Variants in GTF2IRD1 observed in about 807,000 individuals in gnomAD.
GTF2IRD1 encodes the protein general transcription factor II-I repeat domain-containing protein 1.
In GTF2IRD1, 26 loss-of-function variants were observed where a neutral mutation model predicts 113.2. The observed-to-expected ratio is 0.23, with a 90% CI of 0.17 to 0.32. GTF2IRD1 has a LOEUF of 0.32. Ranked by LOEUF, GTF2IRD1 falls within the 10% of genes least tolerant of loss-of-function variation. The pLI is 1.00. For synonymous variants in GTF2IRD1, 484 were observed against 529.1 expected, an observed-to-expected ratio of 0.91 and a Z score of 1.17; for missense variants, 864 against 1,280.8, an observed-to-expected ratio of 0.67 and a Z score of 4.97.
intron 22 of GTF2IRD1, among the ~76,000 whole-genome samples, chr7:74,564,663 G>A (rs1328086664): frequency 6.6e-6 from 1 of 152,186 alleles, no homozygotes; most frequent in South Asian, 2.1e-4. Context: ...GGCTGAGGCG[G>A]GAGGATCCCT....
intron 1 of GTF2IRD1, among the ~76,000 whole-genome samples, chr7:74,475,835 C>T (rs907017908): frequency 1.1e-4 from 16 of 152,218 alleles, no homozygotes; most frequent in South Asian, 4.1e-4. Context: ...CGTAGTCACC[C>T]GCCGGGGTGA....
At chr7:74,480,010 G>A (rs1247353509) in intron 1 of GTF2IRD1, among the ~76,000 whole-genome samples, 2 of 152,094 alleles carry the variant, frequency 1.3e-5, no homozygotes, top group African/African-American at 2.4e-5. Context: ...GCCTCCCTAA[G>A]TGCTGGGATT....
intron 1 of GTF2IRD1, among the ~76,000 whole-genome samples, chr7:74,493,638 C>T (rs931818849): frequency 6.6e-6 from 1 of 152,114 alleles, no homozygotes; most frequent in Non-Finnish European, 1.5e-5. Flanking sequence ...TAGACAGGTT[C>T]TCCTGTGATA....
chr7:74,535,010 C>T (rs1329610018), intron 9 of GTF2IRD1, 103 bp from the exon 10 acceptor site: 32 of 915,368 alleles, frequency 3.5e-5, no homozygotes, highest in Non-Finnish European at 5.5e-5. Context: ...GTGCATGTGT[C>T]ACTCAGTGAC....
At chr7:74,556,912 C>T (rs1799634739) in intron 19 of GTF2IRD1, among the ~76,000 whole-genome samples, 1 of 151,928 alleles carries the variant, frequency 6.6e-6, no homozygotes, top group South Asian at 2.1e-4. Flanking sequence ...GCATGAGCCG[C>T]CGCGCCCGGT....
intron 22 of GTF2IRD1, among the ~76,000 whole-genome samples, chr7:74,563,748 C>T (rs1484103513): frequency 1.3e-5 from 2 of 151,662 alleles, no homozygotes; most frequent in African/African-American, 4.8e-5. Flanking sequence ...TAGCCAGGCA[C>T]GGTGGCACGC....
In GTF2IRD1 at chr7:74,531,346, G is replaced by C. The variant is rs138515439; in HGVS notation, c.1274+1429G>C. 3.3e-5 allele frequency among the ~76,000 whole-genome samples: 5 copies of C among 152,322 alleles called. No homozygotes were observed. In the East Asian group the frequency reaches 7.7e-4, roughly 23 times the overall value. ...AGATGGCACAACTGCACTCCAGCCT[G>C]GGTGACAGCGAGAATCCATCTCTAA... On this transcript the variant is annotated intron_variant, in intron 9 of 26. Coordinates refer to ENST00000424337, the MANE Select transcript of GTF2IRD1 (RefSeq NM_005685.4).
chr7:74,589,840 T>A lies in GTF2IRD1; in HGVS notation c.2321-11T>A. 6.3e-7 allele frequency: 1 copy of A among 1,592,858 alleles called. No individual in the cohort carries two copies. The highest frequency in any genetic ancestry group is 8.6e-7 in the Non-Finnish European group (1 of 1,160,796). On this transcript the variant is annotated splice_polypyrimidine_tract_variant and intron_variant, in intron 22 of 26. Transcript: ENST00000424337. ...TGCCAACTCTCATGCCCCCTTGTCT[T>A]CCTCTTGTAGATGAAGATGACGCCA...
chr7:74,584,241 C>T (rs1293382226), intron 22 of GTF2IRD1, among the ~76,000 whole-genome samples: 1 of 151,956 alleles, frequency 6.6e-6, no homozygotes, highest in African/African-American at 2.4e-5. Context: ...GTCAGGAGTT[C>T]GAGACTGGCC....
At chr7:74,528,920 T>TGGACGGAC (rs71094794) in intron 8 of GTF2IRD1, among the ~76,000 whole-genome samples, 20 of 102,250 alleles carry the variant, frequency 2.0e-4, no homozygotes, top group South Asian at 1.3e-3. Context: ...GATGGATGGA[T>TGGACGGAC]GGACGGACAA....
chr7:74,469,657 A>G (rs1793967492), intron 1 of GTF2IRD1, among the ~76,000 whole-genome samples: 1 of 152,036 alleles, frequency 6.6e-6, no homozygotes, highest in South Asian at 2.1e-4. Context: ...GATAGATCAT[A>G]TTTATCTGTT....
At chr7:74,488,800 G>A (rs1795163831) in intron 1 of GTF2IRD1, among the ~76,000 whole-genome samples, 1 of 151,388 alleles carries the variant, frequency 6.6e-6, no homozygotes, top group African/African-American at 2.4e-5. Flanking sequence ...TCCTGGGGGG[G>A]TAAAAAAGGA....
intron 26 of GTF2IRD1, chr7:74,601,584 C>A: frequency 1.2e-6 from 1 of 820,410 alleles, no homozygotes; most frequent in Non-Finnish European, 1.8e-6. Context: ...ACCAGGCTGA[C>A]CAACACGGGG....
chr7:74,499,433 T>C (rs1217577457), intron 1 of GTF2IRD1, among the ~76,000 whole-genome samples: 1 of 99,794 alleles, frequency 1.0e-5, no homozygotes, highest in Admixed American at 1.1e-4. Context: ...GAGAAGGGAG[T>C]GGGGGAGGGA....
intron 22 of GTF2IRD1, among the ~76,000 whole-genome samples, chr7:74,569,095 C>CA (rs1233163300): frequency 1.3e-5 from 2 of 152,168 alleles, no homozygotes; most frequent in African/African-American, 4.8e-5. Flanking sequence ...GCCCTTTCCC[C>CA]CAACTCCCCT....
intron 1 of GTF2IRD1, among the ~76,000 whole-genome samples, chr7:74,467,042 A>G (rs2116959864): frequency 6.7e-6 from 1 of 148,792 alleles, no homozygotes; most frequent in African/African-American, 2.5e-5. Flanking sequence ...CCTCCGCCTC[A>G]TGGGTTAAAG....
intron 1 of GTF2IRD1, among the ~76,000 whole-genome samples, chr7:74,491,299 G>GA (rs1235376577): frequency 9.3e-5 from 12 of 129,114 alleles, no homozygotes; most frequent in Non-Finnish European, 1.6e-4. Flanking sequence ...GAGTGAGGGA[G>GA]AAAAAAAAAT....
At position 74,589,946 on chromosome 7, in the gene GTF2IRD1, G is replaced by A; in HGVS notation, c.2398+18G>A. 6.5e-7 allele frequency: 1 copy of A among 1,549,460 alleles called. No homozygotes were observed. Among genetic ancestry groups the A allele is most frequent in the Non-Finnish European group, 8.9e-7 (1 of 1,121,772 alleles). Reference sequence around the variant, plus strand: ...GAAATACGGTCAGTGCCTGTGGTCAGGGTCAGCACACCAAGCCCTCCTCCC... The same window carrying A: ...GAAATACGGTCAGTGCCTGTGGTCAAGGTCAGCACACCAAGCCCTCCTCCC... On this transcript the variant is annotated intron_variant, in intron 23 of 26. Coordinates refer to ENST00000424337, the MANE Select transcript of GTF2IRD1 (RefSeq NM_005685.4).
At chr7:74,558,049 G>A (rs1441680784) in intron 20 of GTF2IRD1, among the ~76,000 whole-genome samples, 4 of 152,030 alleles carry the variant, frequency 2.6e-5, no homozygotes, top group Non-Finnish European at 2.9e-5. Context: ...TGAGGCAGGT[G>A]GATCACTTGA....
Sources: gnomAD v4.1 joint callset for allele counts (sites outside exome capture counted in the v4.1 genomes callset) on GRCh38, gnomAD v4.1.1 for gene constraint, MANE v1.5 for transcripts, NCBI Gene and HGNC (gene_info 2026-07-23, HGNC 2026-07-21) for gene names.